The following PAPPA2 variants were observed in gnomAD, a reference collection of about 807,000 sequenced individuals.
The protein encoded by PAPPA2 is pappalysin 2, also known as pappalysin-2.
Under a neutral mutation model 176.4 loss-of-function variants are expected in PAPPA2, and 86 were observed. The ratio of observed to expected loss-of-function variants is 0.49; its 90% CI spans 0.41 to 0.58. PAPPA2 has a LOEUF of 0.58. Among genes scored for constraint, PAPPA2 ranks in the 20% least tolerant of loss-of-function variants. PAPPA2 has a pLI of 0.00. For missense variants in PAPPA2, 2,073 were observed against 2,256.9 expected, an observed-to-expected ratio of 0.92 and a Z score of 1.65; for synonymous variants, 809 against 852.2, an observed-to-expected ratio of 0.95 and a Z score of 0.88.
rs951532270 is a variant in PAPPA2 at position 176,689,988 on chromosome 1, G to A, written c.2138-149G>A. On this transcript the variant is annotated intron_variant, in intron 4 of 22. Transcript: ENST00000367662. ...TTTAGAGGGTTTCTGTGGCAAGAAA[G>A]AAAAGCAATGACTGTATGTTACCAG... is the stretch of plus-strand genomic sequence containing the variant. The A allele has an allele frequency of 5.3e-5, 38 of 711,644 alleles. No homozygotes were observed. The African/African-American group carries it at 6.1e-4, about 11-fold the overall frequency. 44.1% of individuals were successfully genotyped at this position (711,644 alleles called of 1,614,324 possible).
intron 14 of PAPPA2, among the ~76,000 whole-genome samples, chr1:176,742,041 A>G (rs1053406791): frequency 2.6e-5 from 4 of 152,190 alleles, no homozygotes; most frequent in Non-Finnish European, 5.9e-5. Flanking sequence ...CCTTCTGTGA[A>G]GTTTTGGCAA....
At chr1:176,822,988 C>A (rs1318129083) in intron 21 of PAPPA2, among the ~76,000 whole-genome samples, 1 of 152,166 alleles carries the variant, frequency 6.6e-6, no homozygotes, top group South Asian at 2.1e-4. Flanking sequence ...CTTCTTTATT[C>A]AAAGCCAATA....
intron 14 of PAPPA2, among the ~76,000 whole-genome samples, chr1:176,744,940 G>A (rs980392476): frequency 2.6e-4 from 40 of 152,092 alleles, no homozygotes; most frequent in South Asian, 6.2e-4. Context: ...TGACCTTATA[G>A]TATTCTTGTG....
At position 176,781,510 on chromosome 1, in the gene PAPPA2, G is replaced by A. The variant is rs564026206; in HGVS notation, c.4716-8299G>A. Among the ~76,000 whole-genome samples, 9 of 150,804 alleles carry A rather than the reference G, an allele frequency of 6.0e-5. No homozygotes were observed. The South Asian group carries it at 1.9e-3, about 32-fold the overall frequency. Reference sequence around the variant, plus strand: ...ACATCAGGAGACCTGGTATTAGAGAGTGCACAATAACTATGATGGGCTGTA... The same window carrying A: ...ACATCAGGAGACCTGGTATTAGAGAATGCACAATAACTATGATGGGCTGTA... On this transcript the variant is annotated intron_variant, in intron 17 of 22. Coordinates refer to ENST00000367662, the MANE Select transcript of PAPPA2 (RefSeq NM_020318.3).
At chr1:176,772,592 TTTCCA>T (rs1295337931) in intron 17 of PAPPA2, among the ~76,000 whole-genome samples, 10 of 152,240 alleles carry the variant, frequency 6.6e-5, no homozygotes, top group African/African-American at 2.2e-4. Flanking sequence ...TACCCTGCCC[TTTCCA>T]CCAGAGGGAA....
chr1:176,732,581 A>G (rs1242311921), intron 12 of PAPPA2, among the ~76,000 whole-genome samples: 1 of 152,188 alleles, frequency 6.6e-6, no homozygotes, highest in Non-Finnish European at 1.5e-5. Context: ...ATATCTATTA[A>G]TAGCTTTAAA....
At chr1:176,777,799 C>T (rs7543572) in intron 17 of PAPPA2, among the ~76,000 whole-genome samples, 61,786 of 151,752 alleles carry the variant, frequency 0.41, 14,014 homozygotes, top group African/African-American at 0.6. Context: ...AGCTTCAGTT[C>T]ATCAACACTG....
At chr1:176,750,979 AC>A (rs2102887149) in intron 14 of PAPPA2, among the ~76,000 whole-genome samples, 1 of 152,198 alleles carries the variant, frequency 6.6e-6, no homozygotes, top group South Asian at 2.1e-4. Context: ...TTTAGGTCTA[AC>A]GTTTAAATCT....
chr1:176,557,174 G>A lies in PAPPA2; in HGVS notation c.852G>A (p.Arg284=). The change falls in exon 2 of 23, where the codon CGG becomes CGA. Residue 284 remains arginine, a synonymous_variant. Transcript: ENST00000367662. The part of the protein sequence containing the change: ...LRPEVLAEIP[R]EAFTVEAWVK... ...CAGAAGTGCTGGCTGAGATTCCCCG[G>A]GAGGCGTTCACAGTGGAAGCCTGGG... 1.2e-6 allele frequency: 2 copies of A among 1,613,458 alleles called. No homozygotes were observed. The highest frequency in any genetic ancestry group is 1.7e-6 in the Non-Finnish European group (2 of 1,179,772).
At chr1:176,661,018 G>A (rs1658329738) in intron 3 of PAPPA2, among the ~76,000 whole-genome samples, 1 of 151,980 alleles carries the variant, frequency 6.6e-6, no homozygotes, top group African/African-American at 2.4e-5. Flanking sequence ...ACCAAAACAG[G>A]TCTTTTTGGG....
chr1:176,471,756 C>A (rs1651887411), intron 1 of PAPPA2, among the ~76,000 whole-genome samples: 1 of 152,186 alleles, frequency 6.6e-6, no homozygotes, highest in South Asian at 2.1e-4. Flanking sequence ...TCTCTTTAAA[C>A]CTACAGTTTT....
At chr1:176,640,707 T>C (rs1657029028) in intron 3 of PAPPA2, among the ~76,000 whole-genome samples, 1 of 151,936 alleles carries the variant, frequency 6.6e-6, no homozygotes, top group Non-Finnish European at 1.5e-5. Context: ...ATATACCCAG[T>C]AATGGGATGG....
intron 1 of PAPPA2, among the ~76,000 whole-genome samples, chr1:176,524,437 A>G (rs79414002): frequency 3.3e-3 from 497 of 152,342 alleles, no homozygotes; most frequent in Non-Finnish European, 5.8e-3. Context: ...TTTTCAAAGA[A>G]AACAGCATTA....
At chr1:176,606,892 G>A (rs1004407616) in intron 3 of PAPPA2, among the ~76,000 whole-genome samples, 1 of 152,146 alleles carries the variant, frequency 6.6e-6, no homozygotes, top group African/African-American at 2.4e-5. Flanking sequence ...TTGAAAGGAG[G>A]AAAATTTCTT....
chr1:176,836,442 A>G (rs1667273513), intron 21 of PAPPA2, among the ~76,000 whole-genome samples: 1 of 152,184 alleles, frequency 6.6e-6, no homozygotes, highest in Non-Finnish European at 1.5e-5. Context: ...CTAAAGTCCA[A>G]ACTAACCTTT....
chr1:176,829,011 A>G (rs190415731), intron 21 of PAPPA2, among the ~76,000 whole-genome samples: 150 of 152,182 alleles, frequency 9.9e-4, no homozygotes, highest in African/African-American at 3.4e-3. Flanking sequence ...TCAAAAAAAT[A>G]AATAAATAAA....
chr1:176,719,210 A>ATT (rs898599573), intron 12 of PAPPA2, among the ~76,000 whole-genome samples: 1 of 147,416 alleles, frequency 6.8e-6, no homozygotes, highest in Non-Finnish European at 1.5e-5. Flanking sequence ...TATCTAAAAG[A>ATT]TTTTTTTTTT....
intron 10 of PAPPA2, among the ~76,000 whole-genome samples, chr1:176,709,169 T>G (rs1031927287): frequency 6.6e-6 from 1 of 152,186 alleles, no homozygotes; most frequent in Admixed American, 6.6e-5. Context: ...GTATATTTTC[T>G]TAGATATTCA....
intron 3 of PAPPA2, among the ~76,000 whole-genome samples, chr1:176,642,307 A>G (rs540151893): frequency 1.3e-5 from 2 of 152,042 alleles, no homozygotes; most frequent in African/African-American, 2.4e-5. Flanking sequence ...CTATAATTGC[A>G]TATAATTTTA....
Sources: gnomAD v4.1 joint callset for allele counts (sites outside exome capture counted in the v4.1 genomes callset) on GRCh38, gnomAD v4.1.1 for gene constraint, MANE v1.5 for transcripts, NCBI Gene and HGNC (gene_info 2026-07-23, HGNC 2026-07-21) for gene names.